The following LRP1B variants were observed in gnomAD, a reference collection of about 807,000 sequenced individuals.
The protein encoded by LRP1B is low-density lipoprotein receptor-related protein 1B.
A neutral mutation model predicts 556.6 loss-of-function variants in LRP1B; 217 were observed. The ratio of observed to expected loss-of-function variants is 0.39; its 90% CI spans 0.35 to 0.44. The LOEUF is 0.44. Ranked by LOEUF, LRP1B falls within the 20% of genes least tolerant of loss-of-function variation. LRP1B has a pLI of 1.00. For missense variants in LRP1B, 5,053 were observed against 5,620.8 expected, an observed-to-expected ratio of 0.90 and a Z score of 3.23; for synonymous variants, 2,047 against 1,865.8, an observed-to-expected ratio of 1.10 and a Z score of -2.50.
intron 32 of LRP1B, among the ~76,000 whole-genome samples, chr2:140,802,084 G>GA (rs1387881286): frequency 1.3e-5 from 2 of 151,876 alleles, no homozygotes; most frequent in East Asian, 1.9e-4. Context: ...AACCGCTATA[G>GA]AAAAAAAATA....
chr2:141,508,201 T>C (rs182859101), intron 2 of LRP1B, among the ~76,000 whole-genome samples: 2 of 152,264 alleles, frequency 1.3e-5, no homozygotes, highest in East Asian at 3.9e-4. Context: ...TCCCCTTTCT[T>C]TCCTCCTTTT....
chr2:141,579,319 A>G (rs1326553844), intron 2 of LRP1B, among the ~76,000 whole-genome samples: 1 of 152,178 alleles, frequency 6.6e-6, no homozygotes, highest in Non-Finnish European at 1.5e-5. Flanking sequence ...ATTCACAACC[A>G]TAGTAAAATG....
chr2:141,182,162 C>CA (rs1681029067), intron 7 of LRP1B, among the ~76,000 whole-genome samples: 1 of 151,336 alleles, frequency 6.6e-6, no homozygotes, highest in South Asian at 2.1e-4. Context: ...GTTACTCATC[C>CA]AAAAAAAGAT....
At chr2:140,813,476 T>A (rs944663413) in intron 32 of LRP1B, among the ~76,000 whole-genome samples, 181 bp downstream of exon 32, 5 of 152,172 alleles carry the variant, frequency 3.3e-5, no homozygotes, top group African/African-American at 4.8e-5. Context: ...ATCTGGATAA[T>A]CTTATAAGTC....
chr2:140,434,060 TTTTA>T (rs370242463), intron 66 of LRP1B, among the ~76,000 whole-genome samples: 6,375 of 151,620 alleles, frequency 0.042, 227 homozygotes, highest in Non-Finnish European at 0.054. Context: ...TCTTTCTTTC[TTTTA>T]TTTATTTATT....
intron 41 of LRP1B, among the ~76,000 whole-genome samples, chr2:140,619,544 A>G (rs1016350481): frequency 5.3e-5 from 8 of 152,174 alleles, no homozygotes; most frequent in African/African-American, 1.9e-4. Flanking sequence ...TTTTAATCCA[A>G]TCAGTGCTAT....
chr2:141,147,169 G>A (rs930714598), intron 7 of LRP1B, among the ~76,000 whole-genome samples: 2 of 152,128 alleles, frequency 1.3e-5, no homozygotes, highest in African/African-American at 4.8e-5. Context: ...ATGTCTCACT[G>A]GGCTCTGGTA....
chr2:142,014,283 TG>T (rs1161145347), intron 1 of LRP1B, among the ~76,000 whole-genome samples: 1 of 152,144 alleles, frequency 6.6e-6, no homozygotes, highest in Non-Finnish European at 1.5e-5. Flanking sequence ...ACCCCTTTCC[TG>T]TAACAGAGAA....
At chr2:141,822,092 T>TACACACACACAC (rs149899299) in intron 1 of LRP1B, among the ~76,000 whole-genome samples, 83 of 112,428 alleles carry the variant, frequency 7.4e-4, no homozygotes, top group African/African-American at 2.9e-3. Flanking sequence ...AAAAAATACA[T>TACACACACACAC]ACACACACAC....
chr2:140,409,665 C>A (rs1684889298), intron 66 of LRP1B, among the ~76,000 whole-genome samples: 1 of 151,692 alleles, frequency 6.6e-6, no homozygotes, highest in South Asian at 2.1e-4. Context: ...TTCTCTATGC[C>A]AGATTCATGT....
intron 1 of LRP1B, among the ~76,000 whole-genome samples, chr2:142,019,640 G>GC (rs899980992): frequency 1.3e-5 from 2 of 152,062 alleles, no homozygotes; most frequent in Non-Finnish European, 1.5e-5. Context: ...AGATTTTGGT[G>GC]CCCTCCTGCT....
chr2:141,515,771 G>A (rs369326115), intron 2 of LRP1B, among the ~76,000 whole-genome samples: 1 of 152,194 alleles, frequency 6.6e-6, no homozygotes, highest in Non-Finnish European at 1.5e-5. Context: ...ACATTTATAA[G>A]AATAAAAAGT....
intron 2 of LRP1B, among the ~76,000 whole-genome samples, chr2:141,490,295 T>C (rs968814186): frequency 1.6e-4 from 25 of 152,008 alleles, no homozygotes; most frequent in African/African-American, 5.6e-4. Context: ...ATATAAACAA[T>C]GGATGTCTAG....
At chr2:140,358,354 A>G (rs1209727592) in intron 73 of LRP1B, among the ~76,000 whole-genome samples, 1 of 151,702 alleles carries the variant, frequency 6.6e-6, no homozygotes, top group African/African-American at 2.4e-5. Context: ...TAAAATATTT[A>G]CCCTAAGTGT....
chr2:141,446,915 T>C (rs1305198983), intron 3 of LRP1B, among the ~76,000 whole-genome samples: 1 of 152,154 alleles, frequency 6.6e-6, no homozygotes, highest in Non-Finnish European at 1.5e-5. Context: ...TCAAGGAGTC[T>C]CTTTGTGGTG....
chr2:141,237,582 A>C (rs935440820), intron 5 of LRP1B, among the ~76,000 whole-genome samples: 26 of 151,880 alleles, frequency 1.7e-4, no homozygotes, highest in Admixed American at 1.5e-3. Flanking sequence ...TTAAGCATAA[A>C]CCTTAAAATA....
At chr2:140,831,143 A>G (rs1389181092) in intron 31 of LRP1B, among the ~76,000 whole-genome samples, 1 of 152,096 alleles carries the variant, frequency 6.6e-6, no homozygotes, top group African/African-American at 2.4e-5. Flanking sequence ...AAAGCTACCC[A>G]CAGATTATAT....
At chr2:141,051,675 T>C (rs1187737467) in intron 10 of LRP1B, among the ~76,000 whole-genome samples, 1 of 152,114 alleles carries the variant, frequency 6.6e-6, no homozygotes, top group African/African-American at 2.4e-5. Context: ...GATATCTTGA[T>C]TGTTGTGTTT....
intron 1 of LRP1B, among the ~76,000 whole-genome samples, chr2:141,948,840 A>C (rs1381438103): frequency 6.6e-6 from 1 of 152,110 alleles, no homozygotes; most frequent in Non-Finnish European, 1.5e-5. Flanking sequence ...TCCAGAGTAC[A>C]TTTTAAAATG....
Sources: gnomAD v4.1 joint callset for allele counts (sites outside exome capture counted in the v4.1 genomes callset) on GRCh38, gnomAD v4.1.1 for gene constraint, MANE v1.5 for transcripts, NCBI Gene and HGNC (gene_info 2026-07-23, HGNC 2026-07-21) for gene names.